UBAP2: variants seen among roughly 807,000 people sequenced by gnomAD.
UBAP2 encodes the protein ubiquitin associated protein 2.
In UBAP2, 75 loss-of-function variants were observed where a neutral mutation model predicts 139.6. That is an observed-to-expected ratio of 0.54 (90% CI 0.45 to 0.65). The LOEUF (loss-of-function observed/expected upper bound fraction) is 0.65, where lower values mean the gene tolerates loss of function less well. UBAP2 is among the 30% of genes least tolerant of loss of function. The pLI, the probability that UBAP2 is intolerant of heterozygous loss-of-function variation, is 0.00. For synonymous variants in UBAP2, 526 were observed against 526.2 expected (o/e 1.00, Z 0.01); for missense variants, 1,368 against 1,369.6 (o/e 1.00, Z 0.02).
rs1252802206 is a variant in UBAP2, at chr9:33,973,236, T to A, written c.522A>T (p.Gly174=). ...CCCCTCTCCCTCTGCCACGTCCAAA[T>A]CCTTTAAAAAAACACACAATTATAG... is the stretch of plus-strand genomic sequence containing the variant. ...SDRGKRARGR[G]FGRGRGRGAG... The change falls in exon 7 of 29, where the codon GGA becomes GGT. Residue 174 remains glycine (G), a splice_region_variant and synonymous_variant. Coordinates refer to ENST00000379238, the MANE Select transcript of UBAP2 (RefSeq NM_001370062.2). 16 of 1,613,732 alleles carry A rather than the reference T, an allele frequency of 9.9e-6. No individual in the cohort carries two copies. The highest frequency in any genetic ancestry group is 1.3e-5 in the Non-Finnish European group (15 of 1,179,902).
intron 6 of UBAP2, among the ~76,000 whole-genome samples, chr9:33,985,159 G>A (rs1821096756): frequency 2.0e-5 from 3 of 152,122 alleles, no homozygotes; most frequent in South Asian, 4.1e-4. Context: ...TGTTTGCCAG[G>A]TTGTGGTGGC....
At position 33,923,218 on chromosome 9, in the gene UBAP2, G is replaced by A; in HGVS notation, c.2972C>T (p.Pro991Leu). Residue 991 changes from proline (P) to leucine (L), a missense_variant, in exon 26 of 29, where the codon CCA (proline) becomes CTA (leucine). Pro to Leu is a moderately conservative substitution (Grantham distance 98). Transcript: ENST00000379238. ...AGGCCCAGAACCTGCAGACTTGTTT[G>A]GTGCCTGCGATGATCCAGCATAGCC... ...KGGYAGSSQA[P>L]NKSAGSGPGK... The A allele has an allele frequency of 6.2e-7, 1 of 1,614,214 alleles. No homozygotes were observed. Among genetic ancestry groups the A allele is most frequent in the Non-Finnish European group, 8.5e-7 (1 of 1,180,036 alleles).
intron 1 of UBAP2, among the ~76,000 whole-genome samples, chr9:34,029,384 C>T (rs1308873756): frequency 6.6e-6 from 1 of 151,226 alleles, no homozygotes; most frequent in Non-Finnish European, 1.5e-5. Flanking sequence ...AAAAAATTAG[C>T]TGGATGTGGT....
At chr9:33,971,008 G>C (rs1451637318) in intron 8 of UBAP2, among the ~76,000 whole-genome samples, 1 of 152,076 alleles carries the variant, frequency 6.6e-6, no homozygotes, top group Non-Finnish European at 1.5e-5. Flanking sequence ...TCACCATGTT[G>C]GCCAGGCTGG....
chr9:33,985,785 G>T (rs1322982587), intron 6 of UBAP2, among the ~76,000 whole-genome samples: 1 of 152,116 alleles, frequency 6.6e-6, no homozygotes, highest in Non-Finnish European at 1.5e-5. Context: ...GCTTTGGGAG[G>T]ATTAGGCAGG....
chr9:33,924,130 C>T (rs1267474268), intron 23 of UBAP2, 76 bp downstream of exon 23: 1 of 1,589,610 alleles, frequency 6.3e-7, no homozygotes, highest in Non-Finnish European at 8.6e-7. Context: ...TCTCAGCTTG[C>T]TGTTGCTGCT....
chr9:33,958,640 T>A (rs866975964), intron 10 of UBAP2, among the ~76,000 whole-genome samples: 1 of 147,962 alleles, frequency 6.8e-6, no homozygotes, highest in African/African-American at 2.5e-5. Flanking sequence ...ACTCCTGACC[T>A]CAGGTGATCC....
intron 6 of UBAP2, among the ~76,000 whole-genome samples, chr9:33,982,984 A>G (rs1820900887): frequency 1.3e-5 from 2 of 151,764 alleles, no homozygotes; most frequent in African/African-American, 4.8e-5. Flanking sequence ...GGTTCAAGCA[A>G]TTCTCTGCCC....
chr9:34,018,383 A>G (rs1824583747), intron 1 of UBAP2, among the ~76,000 whole-genome samples: 1 of 150,226 alleles, frequency 6.7e-6, no homozygotes, highest in South Asian at 2.1e-4. Flanking sequence ...TACAAAAACT[A>G]GAACCCTTGT....
rs1554686708 is a variant in UBAP2 at position 33,981,111 on chromosome 9, T to TATTCTGG, written c.520+5648_520+5649insCCAGAAT. Among the ~76,000 whole-genome samples, 4 of 2,828 alleles carry TATTCTGG rather than the reference T, an allele frequency of 1.4e-3. 2 individuals carry two copies. The highest frequency in any genetic ancestry group is 2.3e-3 in the African/African-American group (2 of 882). The allele number at this position is 2,828 out of a possible 152,430, so 1.9% of individuals were successfully genotyped here. A position where few individuals can be genotyped will look rare whatever the true frequency, so the allele number is the denominator to read the frequency against. ...TATATATATATATTCTGGATATATA[T>TATTCTGG]ATATATATATATATATATATATATA... On this transcript the variant is annotated intron_variant, in intron 6 of 28. Transcript: ENST00000379238.
chr9:33,970,905 C>A (rs555577195), intron 8 of UBAP2, among the ~76,000 whole-genome samples: 11 of 152,294 alleles, frequency 7.2e-5, no homozygotes, highest in African/African-American at 2.6e-4. Context: ...TGGGTTCAAG[C>A]GATTCTCCTG....
chr9:34,041,654 G>A (rs1396754090), intron 1 of UBAP2, among the ~76,000 whole-genome samples: 2 of 152,078 alleles, frequency 1.3e-5, no homozygotes, highest in East Asian at 3.8e-4. Flanking sequence ...CTGAGAAGCC[G>A]AGATCGTGCC....
Position 33,923,891 on chromosome 9 carries a change from G to A in UBAP2, c.2700C>T (p.Pro900=), listed in dbSNP as rs771100010. ...QSQTHHTAQQ[P]FVNPALPPGY... is the part of the protein sequence containing the mutation. ...CAGGTGGCAGTGCAGGATTCACGAA[G>A]GGCTGCTGGGCTGTGTGGTGGGTCT... The change falls in exon 24 of 29, where the codon CCC becomes CCT. Residue 900 remains proline, a synonymous_variant. Transcript: ENST00000379238. The A allele has an allele frequency of 6.2e-7, 1 of 1,614,222 alleles. No homozygotes were observed. The highest frequency in any genetic ancestry group is 1.7e-5 in the Admixed American group (1 of 60,032).
chr9:34,009,015 ATATCTC>A (rs932819030), intron 2 of UBAP2, among the ~76,000 whole-genome samples: 2 of 149,806 alleles, frequency 1.3e-5, no homozygotes, highest in African/African-American at 4.9e-5. Flanking sequence ...CGGGGTGAAT[ATATCTC>A]TATCTCTATC....
intron 1 of UBAP2, among the ~76,000 whole-genome samples, chr9:34,040,159 CAA>C (rs113799738): frequency 4.1e-5 from 5 of 123,264 alleles, no homozygotes; most frequent in Admixed American, 8.3e-5. Flanking sequence ...GACTCCGTCT[CAA>C]AAAAAAAAAA....
intron 1 of UBAP2, among the ~76,000 whole-genome samples, chr9:34,035,514 A>AAAAAAAAATATATATATAT: frequency 1.8e-4 from 4 of 22,486 alleles, no homozygotes; most frequent in African/African-American, 3.8e-4. Flanking sequence ...AAAAAAAAAA[A>AAAAAAAAATATATATATAT]ATATATATAT....
chr9:34,026,794 A>C (rs1043836451), intron 1 of UBAP2, among the ~76,000 whole-genome samples: 1 of 152,220 alleles, frequency 6.6e-6, no homozygotes. Flanking sequence ...TAAGTGGTGA[A>C]GGCAGTATTC....
chr9:33,943,013 A>G (rs188325270), intron 15 of UBAP2, among the ~76,000 whole-genome samples: 141 of 152,378 alleles, frequency 9.3e-4, no homozygotes, highest in African/African-American at 3.3e-3. Context: ...ATCATTCACT[A>G]TAGTCAAAAA....
intron 6 of UBAP2, among the ~76,000 whole-genome samples, chr9:33,985,948 G>T (rs1199164534): frequency 1.6e-4 from 25 of 152,106 alleles, no homozygotes; most frequent in Admixed American, 1.6e-3. Flanking sequence ...TTGAGCCCAG[G>T]AGGTGGAGGT....
Sources: allele counts gnomAD v4.1 joint callset (sites outside exome capture counted in the v4.1 genomes callset), GRCh38; gene constraint gnomAD v4.1.1; transcripts MANE v1.5; gene names NCBI Gene and HGNC (gene_info 2026-07-23, HGNC 2026-07-21).